The following DNAH12 variants were observed in gnomAD, a reference collection of about 807,000 sequenced individuals.
DNAH12 encodes axonemal beta dynein heavy chain 12.
DNAH12 carries 285 observed loss-of-function variants against 371.5 expected under a neutral mutation model. The observed-to-expected ratio is 0.77, with a 90% CI of 0.70 to 0.85. The LOEUF (loss-of-function observed/expected upper bound fraction) is 0.85. Among genes scored for constraint, DNAH12 ranks in the 40% least tolerant of loss-of-function variants. The pLI is 0.00. For synonymous variants in DNAH12, 1,200 were observed against 1,213.0 expected (o/e 0.99, Z 0.22); for missense variants, 3,611 against 3,689.4 (o/e 0.98, Z 0.55).
chr3:57,390,378 A>T (rs1465931933), intron 45 of DNAH12, among the ~76,000 whole-genome samples: 1 of 96,744 alleles, frequency 1.0e-5, no homozygotes, highest in Non-Finnish European at 2.3e-5. Flanking sequence ...GCACCAGTGC[A>T]CTCCAGCCTG....
intron 37 of DNAH12, 58 bp downstream of exon 37, chr3:57,419,309 A>C: frequency 7.0e-7 from 1 of 1,436,030 alleles, no homozygotes; most frequent in Non-Finnish European, 9.2e-7. Flanking sequence ...AATTGCCATA[A>C]TCCTATTAAA....
In DNAH12 at chr3:57,309,807, G is replaced by C; in HGVS notation, c.10944C>G (p.Asn3648Lys). Residue 3648 changes from asparagine to lysine, a missense_variant, in exon 68 of 74, where the codon AAC (asparagine) becomes AAG (lysine). By Grantham distance (94) the Asn-to-Lys change is moderately conservative. Transcript: ENST00000495027. ...GTTGAAGATCCTTGGAGATGTCAAC[G>C]TTTTCATGTAATCCAAATATCTCAG... ...QHPEIFGLHE[N>K]VDISKDLQQT... 2 of 1,551,134 alleles carry C rather than the reference G, an allele frequency of 1.3e-6. No individual in the cohort carries two copies. The highest frequency in any genetic ancestry group is 1.7e-6 in the Non-Finnish European group (2 of 1,146,786).
intron 60 of DNAH12, among the ~76,000 whole-genome samples, chr3:57,349,677 A>G (rs1372401585): frequency 6.6e-6 from 1 of 152,090 alleles, no homozygotes; most frequent in Non-Finnish European, 1.5e-5. Flanking sequence ...CCTGGATGGA[A>G]TTGGAGACTA....
chr3:57,551,978 T>C, the DNAH12 span, among the ~76,000 whole-genome samples: 2 of 150,778 alleles, frequency 1.3e-5, no homozygotes, highest in Middle Eastern at 3.4e-3. Context: ...GGCATGGTGG[T>C]TCACGCCTGT....
intron 43 of DNAH12, among the ~76,000 whole-genome samples, chr3:57,395,445 C>A (rs1398662020): frequency 1.3e-5 from 2 of 151,958 alleles, no homozygotes; most frequent in African/African-American, 4.8e-5. Flanking sequence ...TAAATATTAA[C>A]TAATATTTTC....
At chr3:57,442,245 G>T (rs1362504505) in intron 29 of DNAH12, among the ~76,000 whole-genome samples, 1 of 150,064 alleles carries the variant, frequency 6.7e-6, no homozygotes, top group Non-Finnish European at 1.5e-5. Flanking sequence ...ATATCTGCTG[G>T]AAAGAATAAA....
In DNAH12 at chr3:57,406,423, A is replaced by G. The variant is rs1481172708; in HGVS notation, c.6277-471T>C. Among the ~76,000 whole-genome samples the G allele has an allele frequency of 3.3e-5, 5 of 151,924 alleles. No individual in the cohort carries two copies. The East Asian group carries it at 9.6e-4, about 29-fold the overall frequency. ...AAAATTGCATAGTACTAAGCTTAGC[A>G]TGGCATATATGTTTATTTTGGCTTA... On this transcript the variant is annotated intron_variant, in intron 40 of 73. Transcript: ENST00000495027.
intron 2 of DNAH12, among the ~76,000 whole-genome samples, chr3:57,536,625 C>G (rs1575750189): frequency 6.6e-6 from 1 of 152,174 alleles, no homozygotes; most frequent in East Asian, 1.9e-4. Context: ...GGCCAGGCTT[C>G]CCTTCATCCA....
chr3:57,403,166 C>A (rs2063922073), intron 43 of DNAH12, 143 bp downstream of exon 43: 2 of 820,776 alleles, frequency 2.4e-6, no homozygotes, highest in Non-Finnish European at 3.5e-6. Flanking sequence ...GAACTCAACA[C>A]ACACAGTAGA....
At chr3:57,485,749 G>A (rs2066904697) in intron 12 of DNAH12, among the ~76,000 whole-genome samples, 3 of 152,090 alleles carry the variant, frequency 2.0e-5, no homozygotes, top group Non-Finnish European at 2.9e-5. Flanking sequence ...ACCAAATATC[G>A]TATATTCTCA....
chr3:57,421,807 C>CGACCTTGTTCAAGTAAG, intron 35 of DNAH12, 101 bp from the exon 36 acceptor site: 1 of 1,303,360 alleles, frequency 7.7e-7, no homozygotes, highest in Non-Finnish European at 1.1e-6. Flanking sequence ...GCTCAACTTA[C>CGACCTTGTTCAAGTAAG]TTGAACAAGG....
intron 13 of DNAH12, among the ~76,000 whole-genome samples, chr3:57,477,311 G>A (rs1269041436): frequency 6.6e-6 from 1 of 152,098 alleles, no homozygotes; most frequent in Middle Eastern, 3.2e-3. Context: ...CTACACCCAC[G>A]GAGCCTCACT....
At chr3:57,311,108 C>T (rs1287856379) in intron 66 of DNAH12, among the ~76,000 whole-genome samples, 158 bp from the exon 67 acceptor site, 1 of 152,178 alleles carries the variant, frequency 6.6e-6, no homozygotes, top group Admixed American at 6.5e-5. Context: ...GACAGTCTCG[C>T]TCTGTCGCCC....
chr3:57,484,800 G>C (rs1290129862), intron 12 of DNAH12, among the ~76,000 whole-genome samples: 1 of 151,976 alleles, frequency 6.6e-6, no homozygotes, highest in Non-Finnish European at 1.5e-5. Context: ...TCCAACAAAA[G>C]ACTAGTATCC....
At chr3:57,415,131 TTGTGTGTGTGTGAG>T (rs67903056) in intron 38 of DNAH12, among the ~76,000 whole-genome samples, 4,715 of 151,104 alleles carry the variant, frequency 0.031, 98 homozygotes, top group Middle Eastern at 0.054. Flanking sequence ...ATGTGTGTGT[TTGTGTGTGTGTGAG>T]TGTGTGTGTG....
At chr3:57,322,112 A>G (rs985245599) in intron 65 of DNAH12, among the ~76,000 whole-genome samples, 1 of 152,230 alleles carries the variant, frequency 6.6e-6, no homozygotes, top group Admixed American at 6.5e-5. Context: ...ACTAAGATTC[A>G]TTCATTCAAC....
At chr3:57,539,934 G>A (rs918120026) in intron 2 of DNAH12, among the ~76,000 whole-genome samples, 2 of 151,730 alleles carry the variant, frequency 1.3e-5, no homozygotes, top group African/African-American at 4.8e-5. Context: ...TTATTTCTTC[G>A]TAGCATCTAT....
intron 12 of DNAH12, among the ~76,000 whole-genome samples, chr3:57,488,450 C>T (rs1211422302): frequency 7.9e-5 from 12 of 152,068 alleles, no homozygotes; most frequent in Middle Eastern, 3.2e-3. Flanking sequence ...CCTCGGCCTC[C>T]CAAAGTGCTG....
chr3:57,484,039 A>G (rs148569508), intron 12 of DNAH12, among the ~76,000 whole-genome samples: 292 of 151,980 alleles, frequency 1.9e-3, no homozygotes, highest in African/African-American at 6.7e-3. Context: ...TAATATTTAC[A>G]TGCAAAATTA....
Sources: gnomAD v4.1 joint callset for allele counts (sites outside exome capture counted in the v4.1 genomes callset) on GRCh38, gnomAD v4.1.1 for gene constraint, MANE v1.5 for transcripts, NCBI Gene and HGNC (gene_info 2026-07-23, HGNC 2026-07-21) for gene names.